Variants in TTC3 observed in about 807,000 individuals in gnomAD.
TTC3 encodes the protein tetratricopeptide repeat domain 3, also known as E3 ubiquitin-protein ligase TTC3.
In TTC3, 180 loss-of-function variants were observed where a neutral mutation model predicts 249.6. That is an observed-to-expected ratio of 0.72 (90% CI 0.64 to 0.82). TTC3 has a LOEUF of 0.82. TTC3 is among the 40% of genes least tolerant of loss of function. The pLI is 0.00. For missense variants in TTC3, 2,061 were observed against 2,398.4 expected, an observed-to-expected ratio of 0.86 and a Z score of 2.94; for synonymous variants, 717 against 805.0, an observed-to-expected ratio of 0.89 and a Z score of 1.85.
At position 37,121,887 on chromosome 21, in the gene TTC3, A is replaced by G. The variant is rs368195800; in HGVS notation, c.971A>G (p.Lys324Arg). ...GACTGGGCCCTGCAAGCAAACATAAAAGCTCAAAAACTCTGTAAAAATGAC... is the reference window on the plus strand; with the variant it reads ...GACTGGGCCCTGCAAGCAAACATAAGAGCTCAAAAACTCTGTAAAAATGAC... The change falls in exon 12 of 46, where the codon AAA (lysine) becomes AGA (arginine). Residue 324 changes from lysine (K) to arginine (R), a missense_variant. This residue lies in a region of TTC3 where 989 missense variants were observed against 1,145.1 expected (regional missense o/e 0.86). Transcript: ENST00000355666. The G allele has an allele frequency of 1.8e-5, 29 of 1,613,216 alleles. No homozygotes were observed. The African/African-American group carries it at 2.9e-4, about 16-fold the overall frequency.
intron 10 of TTC3, among the ~76,000 whole-genome samples, chr21:37,105,091 G>C (rs564876262): frequency 6.6e-6 from 1 of 152,140 alleles, no homozygotes; most frequent in Non-Finnish European, 1.5e-5. Context: ...GTAAAAGAGT[G>C]GTCAGCAGTG....
chr21:37,154,300 A>T (rs866049521), intron 27 of TTC3, among the ~76,000 whole-genome samples: 2 of 152,166 alleles, frequency 1.3e-5, no homozygotes, highest in South Asian at 4.1e-4. Context: ...ATGTTTAGAA[A>T]CGTGGGGCTA....
chr21:37,155,365 A>G (rs943619098), intron 27 of TTC3, among the ~76,000 whole-genome samples: 12 of 152,216 alleles, frequency 7.9e-5, no homozygotes, highest in African/African-American at 2.7e-4. Flanking sequence ...AATAGTGAAC[A>G]CTGCCTGCCT....
At chr21:37,077,929 A>G (rs2071126237) in intron 1 of TTC3, among the ~76,000 whole-genome samples, 1 of 152,194 alleles carries the variant, frequency 6.6e-6, no homozygotes, top group Non-Finnish European at 1.5e-5. Context: ...CCCTGGGCTT[A>G]TAAAGACATT....
intron 45 of TTC3, among the ~76,000 whole-genome samples, chr21:37,201,162 C>T (rs1263211232): frequency 6.6e-6 from 1 of 152,182 alleles, no homozygotes; most frequent in East Asian, 1.9e-4. Context: ...GTGGAAGAGC[C>T]GAGCCTGGAA....
chr21:37,120,898 G>A (rs1217468991), intron 11 of TTC3, among the ~76,000 whole-genome samples: 1 of 152,194 alleles, frequency 6.6e-6, no homozygotes, highest in Non-Finnish European at 1.5e-5. Flanking sequence ...AGAGGAAAGA[G>A]CTTTGGACCA....
intron 34 of TTC3, 122 bp from the exon 35 acceptor site, chr21:37,172,473 C>T (rs999162871): frequency 1.7e-4 from 184 of 1,106,282 alleles, no homozygotes; most frequent in Non-Finnish European, 4.1e-5. Flanking sequence ...TGTGACATTT[C>T]CCTTGTAAAT....
At chr21:37,111,538 G>A (rs146479838) in intron 11 of TTC3, among the ~76,000 whole-genome samples, 41 of 152,300 alleles carry the variant, frequency 2.7e-4, no homozygotes, top group African/African-American at 9.9e-4. Context: ...GGAGCACCCA[G>A]ATTCATACAG....
chr21:37,140,528 T>G lies in TTC3; in HGVS notation c.1660-33T>G, dbSNP rs1332791769. 5.8e-6 allele frequency: 8 copies of G among 1,380,000 alleles called. No homozygotes were observed. The African/African-American group carries it at 7.5e-5, about 13-fold the overall frequency. 85.5% of individuals were successfully genotyped at this position (1,380,000 alleles called of 1,614,324 possible). On this transcript the variant is annotated intron_variant, in intron 19 of 45. Coordinates refer to ENST00000355666, the Ensembl canonical transcript of TTC3. ...ATTTATTTCAGTATTTCTCTTTGTA[T>G]GTAAGTGATCATTGTTTTCACTGCT...
chr21:37,169,525 CAG>C (rs941886253), intron 34 of TTC3, among the ~76,000 whole-genome samples: 5 of 151,816 alleles, frequency 3.3e-5, no homozygotes, highest in African/African-American at 1.2e-4. Context: ...GCCTGGGCGA[CAG>C]AGTGAGACTC....
chr21:37,097,395 C>T (rs992091999), intron 10 of TTC3, among the ~76,000 whole-genome samples: 1 of 152,120 alleles, frequency 6.6e-6, no homozygotes, highest in African/African-American at 2.4e-5. Context: ...TTCAAGAATA[C>T]ATCCACACAG....
Position 37,150,186 on chromosome 21 carries a change from G to GA in TTC3, c.2211+19dup. 1.3e-6 allele frequency: 2 copies of GA among 1,584,042 alleles called. No individual in the cohort carries two copies. Among genetic ancestry groups the GA allele is most frequent in the Middle Eastern group, 1.7e-4 (1 of 6,004 alleles). On this transcript the variant is annotated intron_variant, in intron 24 of 45. Coordinates refer to ENST00000355666, the Ensembl canonical transcript of TTC3. The stretch of plus-strand genomic sequence containing the variant: ...TAAATGTGAAGTAAGTAATAAAGGG[G>GA]AAACCTTGTTAGATAGATAACCAAA...
exon 6 of TTC3, chr21:37,090,260 T>C: frequency 6.2e-7 from 1 of 1,607,942 alleles, no homozygotes; most frequent in Non-Finnish European, 8.5e-7. Context: ...TGGAGGCTTA[T>C]TGAGAATTGG....
intron 30 of TTC3, 77 bp downstream of exon 30, chr21:37,160,935 C>A: frequency 2.9e-6 from 4 of 1,384,256 alleles, no homozygotes; most frequent in Non-Finnish European, 3.0e-6. Context: ...TAGAATTGAG[C>A]AATTCTTGGG....
At chr21:37,166,260 A>G (rs761537478) in exon 33 of TTC3, 6 of 1,614,058 alleles carry the variant, frequency 3.7e-6, no homozygotes, top group South Asian at 3.3e-5. Context: ...ACCAGCATAT[A>G]TACACCCTTG....
intron 31 of TTC3, 33 bp from the exon 32 acceptor site, chr21:37,164,018 C>A: frequency 6.3e-7 from 1 of 1,586,322 alleles, no homozygotes; most frequent in Non-Finnish European, 8.6e-7. Flanking sequence ...CTATCATCCA[C>A]AAAATTGGGT....
intron 16 of TTC3, among the ~76,000 whole-genome samples, chr21:37,130,756 C>T (rs1178929538): frequency 1.3e-5 from 2 of 151,822 alleles, no homozygotes; most frequent in African/African-American, 4.8e-5. Flanking sequence ...TTCCTCTTTT[C>T]CTCCCTCACT....
At chr21:37,122,427 TATATATATA>T (rs1292030689) in intron 12 of TTC3, among the ~76,000 whole-genome samples, 20 of 27,030 alleles carry the variant, frequency 7.4e-4, no homozygotes, top group African/African-American at 2.0e-3. Context: ...ATAATATATA[TATATATATA>T]TTATATATAT....
chr21:37,143,642 G>A (rs1601750807), intron 20 of TTC3, among the ~76,000 whole-genome samples: 1 of 151,350 alleles, frequency 6.6e-6, no homozygotes, highest in East Asian at 1.9e-4. Flanking sequence ...TACACTGTTG[G>A]TGGGACTGTA....
Sources: gnomAD v4.1 joint callset for allele counts (sites outside exome capture counted in the v4.1 genomes callset) on GRCh38, gnomAD v4.1.1 for gene constraint, gnomAD v4.1.1 regional missense constraint, MANE v1.5 for transcripts, NCBI Gene and HGNC (gene_info 2026-07-23, HGNC 2026-07-21) for gene names.